KIAA1328: variants seen among roughly 807,000 people sequenced by gnomAD.
The protein encoded by KIAA1328 is KIAA1328.
Under a neutral mutation model 68.1 loss-of-function variants are expected in KIAA1328, and 52 were observed. That is an observed-to-expected ratio of 0.76 (90% CI 0.61 to 0.96). KIAA1328 has a LOEUF of 0.96. Ranked by LOEUF, KIAA1328 falls within the 40% of genes least tolerant of loss-of-function variation. The pLI is 0.00. For missense variants in KIAA1328, 641 were observed against 677.6 expected (o/e 0.95, Z 0.60); for synonymous variants, 232 against 239.4 (o/e 0.97, Z 0.28).
intron 6 of KIAA1328, among the ~76,000 whole-genome samples, chr18:36,983,900 T>TTTA (rs2052799251): frequency 6.6e-6 from 1 of 152,150 alleles, no homozygotes; most frequent in Admixed American, 6.5e-5. Flanking sequence ...GAAACAATAA[T>TTTA]ATTTCCTTAT....
chr18:36,989,225 T>A (rs924238361), intron 6 of KIAA1328, among the ~76,000 whole-genome samples: 1 of 152,206 alleles, frequency 6.6e-6, no homozygotes, highest in Non-Finnish European at 1.5e-5. Flanking sequence ...AATTGGGTGC[T>A]TTGAGAATAA....
intron 7 of KIAA1328, among the ~76,000 whole-genome samples, chr18:37,092,340 C>T (rs1341835937): frequency 2.6e-5 from 4 of 152,060 alleles, no homozygotes; most frequent in Non-Finnish European, 5.9e-5. Context: ...TTGCCAGAGG[C>T]ACTCTAGCAT....
intron 5 of KIAA1328, among the ~76,000 whole-genome samples, chr18:36,920,226 A>T (rs534869079): frequency 6.6e-6 from 1 of 152,088 alleles, no homozygotes; most frequent in Non-Finnish European, 1.5e-5. Flanking sequence ...TAATTTTTGT[A>T]TATGGTAGAA....
intron 6 of KIAA1328, among the ~76,000 whole-genome samples, chr18:36,976,585 AGGAT>A (rs985599884): frequency 6.6e-6 from 1 of 152,090 alleles, no homozygotes; most frequent in African/African-American, 2.4e-5. Context: ...GAAGAAAGGA[AGGAT>A]GGATGGATGG....
intron 4 of KIAA1328, among the ~76,000 whole-genome samples, chr18:36,863,070 T>C (rs1165535302): frequency 6.6e-6 from 1 of 152,190 alleles, no homozygotes; most frequent in African/African-American, 2.4e-5. Context: ...AAATCCTTTA[T>C]TGGATATGTA....
intron 8 of KIAA1328, among the ~76,000 whole-genome samples, chr18:37,170,187 C>T (rs563359714): frequency 2.0e-5 from 3 of 152,212 alleles, no homozygotes; most frequent in Admixed American, 6.5e-5. Context: ...CTCCAAAGAC[C>T]AGTTTGGTAT....
intron 1 of KIAA1328, chr18:36,833,493 C>A (rs2046567833): frequency 1.3e-5 from 2 of 152,164 alleles, no homozygotes; most frequent in Non-Finnish European, 2.9e-5. Context: ...GGGATCAGAT[C>A]TTGAGCATTG....
At chr18:37,189,863 T>G (rs888467416) in intron 9 of KIAA1328, among the ~76,000 whole-genome samples, 22 of 152,200 alleles carry the variant, frequency 1.4e-4, no homozygotes, top group Admixed American at 5.2e-4. Flanking sequence ...TTTTTTAAAG[T>G]AACATTTAAG....
chr18:36,922,552 T>A (rs1260283058), intron 5 of KIAA1328, among the ~76,000 whole-genome samples: 2 of 152,180 alleles, frequency 1.3e-5, no homozygotes, highest in East Asian at 3.8e-4. Context: ...CCACAGGGGT[T>A]TGTGTGGTTT....
chr18:37,080,121 A>G (rs1282879944), intron 7 of KIAA1328, among the ~76,000 whole-genome samples: 1 of 152,154 alleles, frequency 6.6e-6, no homozygotes, highest in Non-Finnish European at 1.5e-5. Flanking sequence ...TACCTTTGAA[A>G]TTTGTTACTT....
At chr18:37,110,501 A>C (rs973484614) in intron 7 of KIAA1328, among the ~76,000 whole-genome samples, 2 of 152,230 alleles carry the variant, frequency 1.3e-5, no homozygotes, top group Non-Finnish European at 2.9e-5. Flanking sequence ...AAAGGATATA[A>C]AATTTTTGAT....
intron 5 of KIAA1328, among the ~76,000 whole-genome samples, chr18:36,951,600 C>T (rs2051163529): frequency 6.6e-6 from 1 of 152,150 alleles, no homozygotes; most frequent in South Asian, 2.1e-4. Flanking sequence ...CTGAATTTCA[C>T]GCCCAGGGAT....
intron 7 of KIAA1328, among the ~76,000 whole-genome samples, chr18:37,128,422 G>A (rs576595351): frequency 3.3e-5 from 5 of 152,206 alleles, no homozygotes; most frequent in South Asian, 4.1e-4. Flanking sequence ...GCAATGAGCC[G>A]AGATCATGCC....
At chr18:36,980,555 ATACATT>A (rs1235476180) in intron 6 of KIAA1328, among the ~76,000 whole-genome samples, 1 of 152,168 alleles carries the variant, frequency 6.6e-6, no homozygotes, top group East Asian at 1.9e-4. Context: ...ACTCACTGTT[ATACATT>A]TAGAATATCT....
At chr18:37,183,980 G>T (rs1452384891) in intron 9 of KIAA1328, among the ~76,000 whole-genome samples, 1 of 152,188 alleles carries the variant, frequency 6.6e-6, no homozygotes, top group Non-Finnish European at 1.5e-5. Flanking sequence ...TGGACGTTAT[G>T]AGCATGAGTA....
intron 4 of KIAA1328, among the ~76,000 whole-genome samples, chr18:36,861,686 G>A (rs1167050949): frequency 6.6e-6 from 1 of 151,150 alleles, no homozygotes; most frequent in Non-Finnish European, 1.5e-5. Flanking sequence ...CTTTTTTTCT[G>A]TTTAGACAGG....
intron 9 of KIAA1328, among the ~76,000 whole-genome samples, chr18:37,206,636 G>T (rs72898312): frequency 6.6e-6 from 1 of 152,158 alleles, no homozygotes; most frequent in African/African-American, 2.4e-5. Flanking sequence ...CTAGGTAGTT[G>T]TTGTAGTTGC....
intron 7 of KIAA1328, among the ~76,000 whole-genome samples, chr18:37,157,773 A>G (rs2059184384): frequency 1.5e-5 from 2 of 135,470 alleles, no homozygotes; most frequent in Non-Finnish European, 1.5e-5. Flanking sequence ...GCGCCACTGC[A>G]CTCCAGCCCG....
chr18:36,838,984 C>T (rs756656448), intron 3 of KIAA1328, among the ~76,000 whole-genome samples: 9 of 152,158 alleles, frequency 5.9e-5, no homozygotes, highest in African/African-American at 9.7e-5. Flanking sequence ...CTGCCCGCCT[C>T]GGCCTCCCAA....
Sources: allele counts gnomAD v4.1 joint callset (sites outside exome capture counted in the v4.1 genomes callset), GRCh38; gene constraint gnomAD v4.1.1; transcripts MANE v1.5; gene names NCBI Gene and HGNC (gene_info 2026-07-23, HGNC 2026-07-21).